Variants in GABRG3 observed in about 807,000 individuals in gnomAD.
GABRG3 encodes gamma-aminobutyric acid receptor subunit gamma-3.
In GABRG3, 25 loss-of-function variants were observed where a neutral mutation model predicts 48.8. That is an observed-to-expected ratio of 0.51 (90% confidence interval 0.37 to 0.72). GABRG3 has a LOEUF of 0.72. Ranked by LOEUF, GABRG3 falls within the 30% of genes least tolerant of loss-of-function variation. The pLI is 0.00. For synonymous variants in GABRG3, 227 were observed against 217.6 expected (o/e 1.04, Z -0.38); for missense variants, 394 against 577.9 (o/e 0.68, Z 3.26).
chr15:27,057,551 C>A (rs1034937506), intron 3 of GABRG3, among the ~76,000 whole-genome samples: 1 of 152,144 alleles, frequency 6.6e-6, no homozygotes, highest in African/African-American at 2.4e-5. Flanking sequence ...GCTGCACGAT[C>A]CTAGAAGACG....
chr15:27,528,068 C>A, intron 9 of GABRG3, 76 bp downstream of exon 9: 1 of 1,058,140 alleles, frequency 9.5e-7, no homozygotes, highest in Non-Finnish European at 1.4e-6. Flanking sequence ...AGATAGATTG[C>A]TGTTGATGCA....
rs1397375089 is a variant in GABRG3, at chr15:27,327,003, TGACGG to T, written c.468_472del (p.Asp156GlufsTer13). On this transcript the variant is annotated frameshift_variant, in exon 4 of 10. Transcript: ENST00000615808. LOFTEE classifies it high-confidence loss of function. ...CCAATCAGCTCCTCCGGATTTGGAATGACGGGAAAATCCTTTACACTTTGAGGTAA... is the reference window on the plus strand; with the variant it reads ...CCAATCAGCTCCTCCGGATTTGGAATGAAAATCCTTTACACTTTGAGGTAA... The T allele has an allele frequency of 6.2e-7, 1 of 1,613,988 alleles. No homozygotes were observed. The highest frequency in any genetic ancestry group is 2.2e-5 in the East Asian group (1 of 44,880).
At chr15:27,267,102 CTTTTTT>C (rs57772496) in intron 3 of GABRG3, among the ~76,000 whole-genome samples, 1 of 112,854 alleles carries the variant, frequency 8.9e-6, no homozygotes. Context: ...TAGTCTTTTA[CTTTTTT>C]TTTTTTTTTT....
At chr15:27,028,330 C>T (rs1235607803) in intron 3 of GABRG3, among the ~76,000 whole-genome samples, 1 of 151,980 alleles carries the variant, frequency 6.6e-6, no homozygotes, top group African/African-American at 2.4e-5. Flanking sequence ...CAGCTGGGGA[C>T]GAGGGAGTGA....
intron 2 of GABRG3, among the ~76,000 whole-genome samples, chr15:26,997,354 G>A (rs1354981017): frequency 6.6e-6 from 1 of 152,072 alleles, no homozygotes; most frequent in African/African-American, 2.4e-5. Flanking sequence ...TCTATTGCCT[G>A]CTGTTCTTTT....
At chr15:27,427,605 C>T (rs912171596) in intron 5 of GABRG3, among the ~76,000 whole-genome samples, 10 of 152,070 alleles carry the variant, frequency 6.6e-5, no homozygotes, top group African/African-American at 2.4e-4. Flanking sequence ...AGCAGCTGGC[C>T]CCAGATCTAT....
chr15:27,090,400 G>C (rs777484508), intron 3 of GABRG3, among the ~76,000 whole-genome samples: 1 of 152,166 alleles, frequency 6.6e-6, no homozygotes, highest in Non-Finnish European at 1.5e-5. Flanking sequence ...CAGCACCTGC[G>C]TTTAGGAGTG....
intron 7 of GABRG3, among the ~76,000 whole-genome samples, chr15:27,523,781 C>A (rs772125130): frequency 6.6e-6 from 1 of 151,654 alleles, no homozygotes; most frequent in Non-Finnish European, 1.5e-5. Context: ...AATCAGTGAA[C>A]CATGAGATAG....
intron 2 of GABRG3, among the ~76,000 whole-genome samples, chr15:27,010,848 T>G (rs1266046589): frequency 6.6e-6 from 1 of 152,090 alleles, no homozygotes; most frequent in Non-Finnish European, 1.5e-5. Context: ...TTTGTTTGTT[T>G]GTTCGTTTTG....
chr15:27,526,636 A>G (rs537609568), intron 7 of GABRG3, among the ~76,000 whole-genome samples: 20 of 151,068 alleles, frequency 1.3e-4, no homozygotes, highest in African/African-American at 3.6e-4. Flanking sequence ...TAAGCTATCC[A>G]TCTCGTGTGT....
At chr15:27,518,912 A>T (rs73371538) in intron 6 of GABRG3, among the ~76,000 whole-genome samples, 11,495 of 152,224 alleles carry the variant, frequency 0.076, 1,467 homozygotes, top group African/African-American at 0.26. Context: ...ATTAGGAGAT[A>T]AGCTTGGATC....
At chr15:27,335,571 G>A (rs1160635524) in intron 5 of GABRG3, among the ~76,000 whole-genome samples, 2 of 151,974 alleles carry the variant, frequency 1.3e-5, no homozygotes, top group African/African-American at 2.4e-5. Context: ...AGTCAAATAA[G>A]GCCAACAAAA....
intron 5 of GABRG3, among the ~76,000 whole-genome samples, chr15:27,362,011 C>T (rs770316208): frequency 6.6e-5 from 10 of 152,046 alleles, no homozygotes; most frequent in African/African-American, 9.7e-5. Flanking sequence ...TATATCTTGC[C>T]CACACACGCT....
In GABRG3 at chr15:26,975,673, T is replaced by C. The variant is rs1458711317; in HGVS notation, c.54-1329T>C. The stretch of plus-strand genomic sequence containing the variant: ...TGAAATTTTATTTTTTAAATTAACA[T>C]CTTGTTAATTATAGATAATTTAGAC... On this transcript the variant is annotated intron_variant, in intron 1 of 9. Coordinates refer to ENST00000615808, the MANE Select transcript of GABRG3 (RefSeq NM_033223.5). This position sits in a 1 kb window ranked among gnomAD's most constrained non-coding sequence, Gnocchi z 4.6. Among the ~76,000 whole-genome samples the C allele has an allele frequency of 1.3e-5, 2 of 152,186 alleles. No homozygotes were observed. Among genetic ancestry groups the C allele is most frequent in the African/African-American group, 4.8e-5 (2 of 41,432 alleles).
At chr15:27,438,310 A>T (rs1054775402) in intron 5 of GABRG3, among the ~76,000 whole-genome samples, 1 of 152,228 alleles carries the variant, frequency 6.6e-6, no homozygotes, top group Non-Finnish European at 1.5e-5. Flanking sequence ...AGCTTAGCTA[A>T]ATTTAAAGCT....
At chr15:27,407,742 G>A (rs1005673831) in intron 5 of GABRG3, among the ~76,000 whole-genome samples, 3 of 152,142 alleles carry the variant, frequency 2.0e-5, no homozygotes, top group African/African-American at 7.2e-5. Context: ...TAACTATATG[G>A]CATTCTGGAA....
At chr15:27,251,846 G>A (rs1890465289) in intron 3 of GABRG3, among the ~76,000 whole-genome samples, 2 of 152,158 alleles carry the variant, frequency 1.3e-5, no homozygotes, top group African/African-American at 4.8e-5. Flanking sequence ...TTTCTCTGCT[G>A]GGTCCTACCC....
intron 3 of GABRG3, among the ~76,000 whole-genome samples, chr15:27,125,101 A>T (rs1464911186): frequency 6.6e-6 from 1 of 152,174 alleles, no homozygotes; most frequent in African/African-American, 2.4e-5. Context: ...CTCAAACCAA[A>T]GAGATGTAGT....
intron 5 of GABRG3, among the ~76,000 whole-genome samples, chr15:27,335,880 A>G (rs1893946900): frequency 6.6e-6 from 1 of 152,138 alleles, no homozygotes; most frequent in Admixed American, 6.5e-5. Context: ...CAACAAAACA[A>G]TCCAGTTAGA....
Sources: gnomAD v4.1 joint callset for allele counts (sites outside exome capture counted in the v4.1 genomes callset) on GRCh38, gnomAD v4.1.1 for gene constraint, Gnocchi (gnomAD v3.1) non-coding constraint, MANE v1.5 for transcripts, NCBI Gene and HGNC (gene_info 2026-07-23, HGNC 2026-07-21) for gene names.